The following BSDC1 variants were observed in gnomAD, a reference collection of about 807,000 sequenced individuals.
BSDC1 encodes BSD domain containing 1.
Under a neutral mutation model 56.0 loss-of-function variants are expected in BSDC1, and 29 were observed. The ratio of observed to expected loss-of-function variants is 0.52; its 90% confidence interval spans 0.39 to 0.71. The LOEUF (loss-of-function observed/expected upper bound fraction) is 0.71, where lower values mean the gene tolerates loss of function less well. BSDC1 is among the 30% of genes least tolerant of loss of function. The pLI, the probability that BSDC1 is intolerant of heterozygous loss-of-function variation, is 0.00. For synonymous variants in BSDC1, 210 were observed against 215.3 expected, an observed-to-expected ratio of 0.98 and a Z score of 0.21; for missense variants, 477 against 548.5, an observed-to-expected ratio of 0.87 and a Z score of 1.30.
Position 32,386,880 on chromosome 1 carries a change from C to G in BSDC1, c.88G>C (p.Glu30Gln). 2.5e-6 allele frequency: 4 copies of G among 1,612,216 alleles called. No homozygotes were observed. The highest frequency in any genetic ancestry group is 1.7e-6 in the Non-Finnish European group (2 of 1,180,004). ...TCCGTCAGGTCCCGCTTCATAAACT[C>G]CAAGGCTTCAGAGGACTGTGGGAAG... ...AVKEKSSEAL[E>Q]FMKRDLTEFT... Residue 30 changes from glutamate to glutamine, a missense_variant, in exon 3 of 11, where the codon GAG becomes CAG. Physicochemically the swap from Glu to Gln is conservative, Grantham distance 29 (BLOSUM62 2). Transcript: ENST00000455895.
intron 4 of BSDC1, 104 bp from the exon 5 acceptor site, chr1:32,381,372 CTT>C: frequency 8.5e-7 from 1 of 1,175,852 alleles, no homozygotes; most frequent in Non-Finnish European, 1.2e-6. Context: ...CAGCTTCTCC[CTT>C]GTTGGCTGGG....
At chr1:32,394,029 T>A in intron 2 of BSDC1, 51 bp downstream of exon 2, 2 of 1,573,840 alleles carry the variant, frequency 1.3e-6, no homozygotes, top group Admixed American at 3.7e-5. Flanking sequence ...CAGGTTGCAT[T>A]GAGGCGGCGC....
intron 2 of BSDC1, among the ~76,000 whole-genome samples, chr1:32,387,704 G>A (rs1248943639): frequency 2.0e-5 from 3 of 152,184 alleles, no homozygotes; most frequent in Non-Finnish European, 4.4e-5. Flanking sequence ...CAGAGAAATT[G>A]AGTTGAAATA....
At chr1:32,382,021 G>A (rs1435390898) in intron 4 of BSDC1, among the ~76,000 whole-genome samples, 1 of 152,150 alleles carries the variant, frequency 6.6e-6, no homozygotes, top group East Asian at 1.9e-4. Flanking sequence ...GAGGTCTGGA[G>A]TTCAAAACCA....
intron 9 of BSDC1, 136 bp downstream of exon 9, chr1:32,376,126 T>G: frequency 1.1e-6 from 1 of 901,206 alleles, no homozygotes; most frequent in Non-Finnish European, 1.6e-6. Context: ...ATAGTCAATA[T>G]ATAGCAGCTG....
chr1:32,384,836 A>G (rs556628639), intron 3 of BSDC1, among the ~76,000 whole-genome samples: 19 of 152,290 alleles, frequency 1.2e-4, no homozygotes, highest in African/African-American at 3.4e-4. Context: ...ATATTGTTAC[A>G]GGTAACAATA....
chr1:32,368,213 A>G, intron 10 of BSDC1: 1 of 1,447,238 alleles, frequency 6.9e-7, no homozygotes, highest in Non-Finnish European at 9.1e-7. Context: ...CAATTTTGAT[A>G]CAGAGCTAAG....
chr1:32,371,782 A>G (rs1221291768), intron 9 of BSDC1, among the ~76,000 whole-genome samples: 1 of 152,062 alleles, frequency 6.6e-6, no homozygotes, highest in Non-Finnish European at 1.5e-5. Context: ...ATCCTGCATC[A>G]TCCTCTCTTC....
At chr1:32,376,217 G>T (rs375037008) in intron 9 of BSDC1, 45 bp downstream of exon 9, 6 of 1,415,980 alleles carry the variant, frequency 4.2e-6, no homozygotes, top group South Asian at 1.8e-5. Context: ...TCAGGAGGTG[G>T]CCCTGACCGC....
In BSDC1 at chr1:32,378,426, C is replaced by T; in HGVS notation, c.529-143G>A. ...CAGTGACAGTCAGAGCACTTCCACC[C>T]CCACCAAAGTTTCAGCCAGACCCAC... On this transcript the variant is annotated intron_variant, in intron 6 of 10. Transcript: ENST00000455895. This position sits in a 1 kb window ranked among gnomAD's most constrained non-coding sequence, Gnocchi z 5.2. 1.2e-6 allele frequency: 1 copy of T among 826,168 alleles called. No homozygotes were observed. The highest frequency in any genetic ancestry group is 1.6e-5 in the South Asian group (1 of 61,048). 51.2% of individuals were successfully genotyped at this position (826,168 alleles called of 1,614,324 possible).
rs1641890748 is a variant in BSDC1 at position 32,367,380 on chromosome 1, T to G, written c.1261-726A>C. On this transcript the variant is annotated intron_variant, in intron 10 of 10. Transcript: ENST00000455895. ...GTGGCCTGACAGGGCACTATGGGCT[T>G]TCTCTGTCCTGGGTATAGTGAGGTA... 6 of 985,324 alleles carry G rather than the reference T, an allele frequency of 6.1e-6. No homozygotes were observed. In the South Asian group the frequency reaches 2.8e-4, roughly 46 times the overall value. The allele number at this position is 985,324 out of a possible 1,614,324, so 61.0% of individuals were successfully genotyped here. A position where few individuals can be genotyped will look rare whatever the true frequency, so the allele number is the denominator to read the frequency against.
intron 5 of BSDC1, among the ~76,000 whole-genome samples, chr1:32,379,074 G>A (rs976975087): frequency 6.6e-6 from 1 of 152,118 alleles, no homozygotes; most frequent in Non-Finnish European, 1.5e-5. Flanking sequence ...TTAGCCCATG[G>A]CACCTGGCTG....
chr1:32,390,688 A>G (rs1642835370), intron 2 of BSDC1, among the ~76,000 whole-genome samples: 1 of 152,144 alleles, frequency 6.6e-6, no homozygotes, highest in Non-Finnish European at 1.5e-5. Context: ...AGGTGGGCAG[A>G]CTGCTTGAGC....
At chr1:32,384,158 CAAGGG>C in intron 3 of BSDC1, 161 bp from the exon 4 acceptor site, 3 of 934,304 alleles carry the variant, frequency 3.2e-6, no homozygotes, top group Non-Finnish European at 4.9e-6. Flanking sequence ...AGGGAGGAGG[CAAGGG>C]TCCTCCATCC....
At chr1:32,393,875 A>G in intron 2 of BSDC1, 2 of 551,998 alleles carry the variant, frequency 3.6e-6, no homozygotes, top group Non-Finnish European at 6.4e-6. Context: ...CTTTAAAACC[A>G]TCTTTATTTC....
rs767619454 is a variant in BSDC1, at chr1:32,383,990, C to T, written c.197G>A (p.Gly66Asp). The change falls in exon 4 of 11, where the codon GGC becomes GAC. Residue 66 changes from glycine (G) to aspartate (D), a missense_variant. Transcript: ENST00000455895. ...CATCTTCTCTGTTGCTCCTGAGGAG[C>T]CTTCCGTCTGTATAGAGAACGGGCA... ...SVVKEKLATE[G>D]SSGATEKMKK... 6 of 1,613,062 alleles carry T rather than the reference C, an allele frequency of 3.7e-6. No individual in the cohort carries two copies. In the East Asian group the frequency reaches 6.7e-5, roughly 18 times the overall value.
intron 2 of BSDC1, among the ~76,000 whole-genome samples, chr1:32,387,392 A>C (rs1642710237): frequency 6.6e-6 from 1 of 151,150 alleles, no homozygotes; most frequent in Non-Finnish European, 1.5e-5. Context: ...CCCAGGCTGG[A>C]GTGCAATGGC....
intron 2 of BSDC1, among the ~76,000 whole-genome samples, chr1:32,390,755 A>G (rs1222592323): frequency 6.6e-6 from 1 of 152,066 alleles, no homozygotes; most frequent in Admixed American, 6.6e-5. Context: ...TACAAAAAAT[A>G]CAAAAATTAG....
rs749519686 is a variant in BSDC1, at chr1:32,364,856, TTTCCA to T, written c.*1761_*1765del. ...TGAAGCCATTCTTGTTGCAACTTCC[TTTCCA>T]AAGGAAAGCAGAGGCACTGGGAGTG... On this transcript the variant is annotated 3_prime_UTR_variant, in exon 11 of 11. Transcript: ENST00000455895. Among the ~76,000 whole-genome samples the T allele has an allele frequency of 1.3e-5, 2 of 152,254 alleles. No homozygotes were observed. Among genetic ancestry groups the T allele is most frequent in the Non-Finnish European group, 2.9e-5 (2 of 68,046 alleles).
Sources: gnomAD v4.1 joint callset for allele counts (sites outside exome capture counted in the v4.1 genomes callset) on GRCh38, gnomAD v4.1.1 for gene constraint, Gnocchi (gnomAD v3.1) non-coding constraint, MANE v1.5 for transcripts, NCBI Gene and HGNC (gene_info 2026-07-23, HGNC 2026-07-21) for gene names.